The following NR2F2 variants were observed in gnomAD, a reference collection of about 807,000 sequenced individuals.
NR2F2 encodes nuclear receptor subfamily 2 group F member 2.
A neutral mutation model predicts 34.8 loss-of-function variants in NR2F2; 2 were observed. The ratio of observed to expected loss-of-function variants is 0.06; its 90% confidence interval spans 0.02 to 0.18. NR2F2 has a LOEUF of 0.18. Ranked by LOEUF, NR2F2 falls within the 10% of genes least tolerant of loss-of-function variation. NR2F2 has a pLI of 1.00. For synonymous variants in NR2F2, 274 were observed against 251.8 expected (o/e 1.09, Z -0.84); for missense variants, 300 against 580.1 (o/e 0.52, Z 4.96).
At chr15:96,328,720 C>T (rs1237275250), upstream of NR2F2, among the ~76,000 whole-genome samples, 1 of 151,614 alleles carries the variant, frequency 6.6e-6, no homozygotes, top group Non-Finnish European at 1.5e-5. Flanking sequence ...TCTTATTACA[C>T]ACCAGGTTTA....
At position 96,331,209 on chromosome 15, in the gene NR2F2, G is replaced by C; in HGVS notation, c.-897G>C. The C allele has an allele frequency of 1.0e-6, 1 of 977,924 alleles. No individual in the cohort carries two copies. Among genetic ancestry groups the C allele is most frequent in the Non-Finnish European group, 1.2e-6 (1 of 824,852 alleles). 60.6% of individuals were successfully genotyped at this position (977,924 alleles called of 1,614,324 possible). A position where few individuals can be genotyped will look rare whatever the true frequency, so the allele number is the denominator to read the frequency against. ...GCCCGGGCGGCCCGCAGGGAACGGCGAGCGGCCTCCACCCAGCGACTGCGG... is the reference window on the plus strand; with the variant it reads ...GCCCGGGCGGCCCGCAGGGAACGGCCAGCGGCCTCCACCCAGCGACTGCGG... On this transcript the variant is annotated 5_prime_UTR_variant, in exon 1 of 3. Transcript: ENST00000394166.
chr15:96,330,059 G>A (rs1170927400), upstream of NR2F2, among the ~76,000 whole-genome samples: 1 of 152,154 alleles, frequency 6.6e-6, no homozygotes, highest in Admixed American at 6.5e-5. Flanking sequence ...CCCGGATCTG[G>A]CCAACTCTTT....
In NR2F2 at chr15:96,331,240, G is replaced by A. The variant is rs2141165487; in HGVS notation, c.-866G>A. On this transcript the variant is annotated 5_prime_UTR_variant, in exon 1 of 3. Coordinates refer to ENST00000394166, the MANE Select transcript of NR2F2 (RefSeq NM_021005.4). ...CCTCCACCCAGCGACTGCGGGCGGC[G>A]GCGGCCGGAGAGAGCGAGGCGCGCG... 1 of 985,668 alleles carries A rather than the reference G, an allele frequency of 1.0e-6. No homozygotes were observed. The highest frequency in any genetic ancestry group is 1.1e-4 in the East Asian group (1 of 8,936). The allele number at this position is 985,668 out of a possible 1,614,324, so 61.1% of individuals were successfully genotyped here. A position where few individuals can be genotyped will look rare whatever the true frequency, so the allele number is the denominator to read the frequency against.
chr15:96,335,890 G>A (rs1296092294), intron 2 of NR2F2, among the ~76,000 whole-genome samples: 1 of 152,202 alleles, frequency 6.6e-6, no homozygotes, highest in Non-Finnish European at 1.5e-5. Context: ...GCCTTTGGAA[G>A]TCCTTAGGTA....
At chr15:96,336,548 C>A (rs1899332572) in intron 2 of NR2F2, among the ~76,000 whole-genome samples, 1 of 151,914 alleles carries the variant, frequency 6.6e-6, no homozygotes, top group Non-Finnish European at 1.5e-5. Flanking sequence ...ACCGCCTTTA[C>A]CAAGAAGCTT....
At chr15:96,333,992 G>T (rs75106212) in intron 1 of NR2F2, 84 bp from the exon 2 acceptor site, 16 of 1,545,168 alleles carry the variant, frequency 1.0e-5, no homozygotes, top group African/African-American at 1.4e-5. Context: ...GTCAGGTGGG[G>T]GTCGGGCTGG....
At position 96,338,680 on chromosome 15, in the gene NR2F2, G is replaced by A. The variant is rs1178105663; in HGVS notation, c.*1058G>A. 1 of 148,434 alleles carries A rather than the reference G, an allele frequency of 6.7e-6. No homozygotes were observed. Among genetic ancestry groups the A allele is most frequent in the Non-Finnish European group, 1.5e-5 (1 of 66,710 alleles). The allele number at this position is 148,434 out of a possible 1,614,324, so 9.2% of individuals were successfully genotyped here. A position where few individuals can be genotyped will look rare whatever the true frequency, so the allele number is the denominator to read the frequency against. ...AGTTTGTGTTTTAAAAAAACTGAAG[G>A]TTTTTTTTTTAAGTGCAACATTTCT... On this transcript the variant is annotated 3_prime_UTR_variant, in exon 3 of 3. Transcript: ENST00000394166.
rs1463614741 is a variant in NR2F2 at position 96,332,303 on chromosome 15, G to A, written c.198G>A (p.Pro66=). ...GTGGCCAGGGCGGCCCTGGCGGCCCGGGTAGCGACAAGCAGCAGCAGCAGC... is the reference window on the plus strand; with the variant it reads ...GTGGCCAGGGCGGCCCTGGCGGCCCAGGTAGCGACAAGCAGCAGCAGCAGC... ...AAGGQGGPGG[P]GSDKQQQQQH... is the part of the protein sequence containing the mutation. The change falls in exon 1 of 3, where the codon CCG becomes CCA. Residue 66 remains proline (P), a synonymous_variant. Transcript: ENST00000394166. 2.5e-6 allele frequency: 4 copies of A among 1,578,574 alleles called. No individual in the cohort carries two copies. The highest frequency in any genetic ancestry group is 1.1e-5 in the South Asian group (1 of 86,966).
At position 96,332,211 on chromosome 15, in the gene NR2F2, G is replaced by A. The variant is rs1191987271; in HGVS notation, c.106G>A (p.Ala36Thr). 1.2e-5 allele frequency: 17 copies of A among 1,400,626 alleles called. No homozygotes were observed. The highest frequency in any genetic ancestry group is 1.5e-5 in the Non-Finnish European group (16 of 1,077,100). 86.8% of individuals were successfully genotyped at this position (1,400,626 alleles called of 1,614,324 possible). The change falls in exon 1 of 3, where the codon GCC becomes ACC. Residue 36 changes from alanine to threonine, a missense_variant. Ala to Thr is a moderately conservative substitution (Grantham distance 58). Coordinates refer to ENST00000394166, the MANE Select transcript of NR2F2 (RefSeq NM_021005.4). ...APPVPGPPPG[A>T]PHTPQTPGQG... ...GCCCGTGCCCGGCCCGCCGCCCGGC[G>A]CCCCGCACACGCCACAGACGCCCGG...
rs1256632360 is a variant in NR2F2 at position 96,337,790 on chromosome 15, AG to A, written c.*169del. 2.2e-5 allele frequency: 9 copies of A among 409,424 alleles called. No individual in the cohort carries two copies. Among genetic ancestry groups the A allele is most frequent in the Non-Finnish European group, 2.7e-5 (7 of 260,410 alleles). The allele number at this position is 409,424 out of a possible 1,614,324, so 25.4% of individuals were successfully genotyped here. ...CTGTGAATTTCAAAAAAAAAAAAAA[AG>A]ACTGTCAAATGAACTTTTACAGAAT... On this transcript the variant is annotated 3_prime_UTR_variant, in exon 3 of 3. Transcript: ENST00000394166.
At chr15:96,337,306 TTTTTCTTC>T (rs1899358753) in intron 2 of NR2F2, 34 bp from the exon 3 acceptor site, 12 of 1,576,938 alleles carry the variant, frequency 7.6e-6, no homozygotes, top group South Asian at 3.4e-5. Flanking sequence ...CTTCTTCTTC[TTTTTCTTC>T]TTCTTCTTCT....
Position 96,337,741 on chromosome 15 carries a change from AAG to A in NR2F2, c.*124_*125del, listed in dbSNP as rs1484068781. The A allele has an allele frequency of 1.7e-5, 16 of 929,124 alleles. No individual in the cohort carries two copies. In the South Asian group the frequency reaches 2.4e-4, roughly 14 times the overall value. 57.6% of individuals were successfully genotyped at this position (929,124 alleles called of 1,614,324 possible). ...AAGGATGTTACAAGTTTGCTAAAAG[AAG>A]AGAGGGGAAGAATTTAATGGACTGT... On this transcript the variant is annotated 3_prime_UTR_variant, in exon 3 of 3. Transcript: ENST00000394166.
At chr15:96,333,305 G>A (rs1228683220) in intron 1 of NR2F2, 4 of 994,822 alleles carry the variant, frequency 4.0e-6, no homozygotes, top group Non-Finnish European at 4.9e-6. Flanking sequence ...GCCAACGCCG[G>A]GGTTTCTTTG....
At chr15:96,326,201 CGAG>C (rs1182733322), upstream of NR2F2, 5 of 923,858 alleles carry the variant, frequency 5.4e-6, no homozygotes, top group East Asian at 2.4e-5. The surrounding 1 kb of genome is among the most constrained non-coding windows in gnomAD (Gnocchi z 5.5). Context: ...AGATAAACAC[CGAG>C]GAGGAGATTC....
At chr15:96,334,626 C>G (rs777666407) in intron 2 of NR2F2, 23 bp downstream of exon 2, 15 of 1,565,446 alleles carry the variant, frequency 9.6e-6, no homozygotes, top group Non-Finnish European at 1.2e-5. Flanking sequence ...CCTGTCTTCT[C>G]GTGCCCACGG....
At position 96,334,489 on chromosome 15, in the gene NR2F2, G is replaced by A. The variant is rs1037849009; in HGVS notation, c.856G>A (p.Val286Ile). Residue 286 changes from valine (V) to isoleucine (I), a missense_variant, in exon 2 of 3, where the codon GTC becomes ATC. Transcript: ENST00000394166. The part of the protein sequence containing the change: ...HASPMSADRV[V>I]AFMDHIRIFQ... ...TTCGCCCATGTCCGCCGACCGGGTGGTCGCCTTTATGGACCACATACGGAT... is the reference window on the plus strand; with the variant it reads ...TTCGCCCATGTCCGCCGACCGGGTGATCGCCTTTATGGACCACATACGGAT... The A allele has an allele frequency of 6.2e-7, 1 of 1,613,908 alleles. No homozygotes were observed. Among genetic ancestry groups the A allele is most frequent in the Non-Finnish European group, 8.5e-7 (1 of 1,180,004 alleles).
At chr15:96,337,162 TC>T (rs1334201810) in intron 2 of NR2F2, among the ~76,000 whole-genome samples, 185 bp from the exon 3 acceptor site, 4 of 135,972 alleles carry the variant, frequency 2.9e-5, no homozygotes, top group Admixed American at 7.6e-5. Context: ...CCACCCCGCC[TC>T]CCCCCCTTAA....
Position 96,332,192 on chromosome 15 carries a change from G to T in NR2F2, c.87G>T (p.Val29=). ...QGSQASQAPP[V]PGPPPGAPHT... ...GCCAGGCCTCGCAGGCGCCGCCCGTGCCCGGCCCGCCGCCCGGCGCCCCGC... is the reference window on the plus strand; with the variant it reads ...GCCAGGCCTCGCAGGCGCCGCCCGTTCCCGGCCCGCCGCCCGGCGCCCCGC... The change falls in exon 1 of 3, where the codon GTG becomes GTT. Residue 29 remains valine (V), a synonymous_variant. Coordinates refer to ENST00000394166, the MANE Select transcript of NR2F2 (RefSeq NM_021005.4). The T allele has an allele frequency of 7.5e-7, 1 of 1,334,038 alleles. No homozygotes were observed. The highest frequency in any genetic ancestry group is 3.7e-5 in the Admixed American group (1 of 27,300). The allele number at this position is 1,334,038 out of a possible 1,614,324, so 82.6% of individuals were successfully genotyped here.
At chr15:96,328,638 C>A (rs183159754), upstream of NR2F2, among the ~76,000 whole-genome samples, 85 of 152,320 alleles carry the variant, frequency 5.6e-4, no homozygotes, top group African/African-American at 2.0e-3. Flanking sequence ...TCCTTCTTAT[C>A]CTCTTTAGGA....
Sources: allele counts gnomAD v4.1 joint callset (sites outside exome capture counted in the v4.1 genomes callset), GRCh38; gene constraint gnomAD v4.1.1; non-coding constraint Gnocchi (gnomAD v3.1); transcripts MANE v1.5; gene names NCBI Gene and HGNC (gene_info 2026-07-23, HGNC 2026-07-21).